Variants in ARHGAP26 observed in about 807,000 individuals in gnomAD.
ARHGAP26 encodes Rho GTPase activating protein 26, also known as rho GTPase-activating protein 26.
Under a neutral mutation model 104.8 loss-of-function variants are expected in ARHGAP26, and 38 were observed. The observed-to-expected ratio is 0.36, with a 90% CI of 0.28 to 0.48. The LOEUF (loss-of-function observed/expected upper bound fraction) is 0.48, where lower values mean the gene tolerates loss of function less well. Among genes scored for constraint, ARHGAP26 ranks in the 20% least tolerant of loss-of-function variants. The pLI, the probability that ARHGAP26 is intolerant of heterozygous loss-of-function variation, is 0.99. For missense variants in ARHGAP26, 704 were observed against 947.9 expected (o/e 0.74, Z 3.38); for synonymous variants, 341 against 340.0 (o/e 1.00, Z -0.03).
intron 11 of ARHGAP26, among the ~76,000 whole-genome samples, chr5:142,961,809 A>G (rs576624347): frequency 2.4e-4 from 36 of 152,362 alleles, no homozygotes; most frequent in Middle Eastern, 3.4e-3. Flanking sequence ...ATAAATGATC[A>G]TCTTTTAATG....
intron 20 of ARHGAP26, among the ~76,000 whole-genome samples, chr5:143,162,319 C>A (rs1444163610): frequency 7.9e-6 from 1 of 127,082 alleles, no homozygotes; most frequent in African/African-American, 3.0e-5. Flanking sequence ...ACACGCAATC[C>A]CCTTTCCCAT....
At position 143,037,222 on chromosome 5, in the gene ARHGAP26, A is replaced by G; in HGVS notation, c.1171A>G (p.Ser391Gly). The G allele has an allele frequency of 6.2e-7, 1 of 1,605,054 alleles. No homozygotes were observed. The highest frequency in any genetic ancestry group is 1.1e-5 in the South Asian group (1 of 90,300). Reference protein sequence around the residue: ...GTAQLDSIGFSIIRKCIHAVE... With the variant: ...GTAQLDSIGFGIIRKCIHAVE... ...TGCGCAGTTGGACAGCATTGGCTTC[A>G]GCATAATCAGGAAATGCATCCATGC... The change falls in exon 13 of 23, where the codon AGC becomes GGC. Residue 391 changes from serine (S) to glycine (G), a missense_variant. Physicochemically the swap from Ser to Gly is moderately conservative, Grantham distance 56. Transcript: ENST00000645722.
chr5:142,804,812 A>G (rs901472954), intron 1 of ARHGAP26, among the ~76,000 whole-genome samples: 1 of 151,788 alleles, frequency 6.6e-6, no homozygotes, highest in African/African-American at 2.4e-5. Flanking sequence ...TTTTTTTTTA[A>G]ACTTTTTATT....
intron 11 of ARHGAP26, among the ~76,000 whole-genome samples, chr5:142,974,603 C>T (rs1772784607): frequency 6.6e-6 from 1 of 152,186 alleles, no homozygotes; most frequent in African/African-American, 2.4e-5. Context: ...GTTCTCATGG[C>T]TCCCATCATG....
At chr5:142,992,936 A>G (rs1420802884) in intron 11 of ARHGAP26, among the ~76,000 whole-genome samples, 3 of 151,960 alleles carry the variant, frequency 2.0e-5, no homozygotes, top group African/African-American at 7.3e-5. Context: ...ATGGCAATTT[A>G]CTCTTTCCAT....
At chr5:142,798,379 A>G (rs1178651366) in intron 1 of ARHGAP26, among the ~76,000 whole-genome samples, 3 of 151,978 alleles carry the variant, frequency 2.0e-5, no homozygotes, top group Admixed American at 1.3e-4. Context: ...TCCTCCTTTT[A>G]TGTCTCAGCT....
At chr5:143,030,048 A>G (rs1222575587) in intron 12 of ARHGAP26, among the ~76,000 whole-genome samples, 1 of 152,188 alleles carries the variant, frequency 6.6e-6, no homozygotes, top group Admixed American at 6.5e-5. Flanking sequence ...TGTGTCCATC[A>G]GTCAACTTAT....
At chr5:143,022,266 T>C (rs1391341355) in intron 12 of ARHGAP26, among the ~76,000 whole-genome samples, 1 of 151,970 alleles carries the variant, frequency 6.6e-6, no homozygotes, top group East Asian at 1.9e-4. Flanking sequence ...AGAGATGGGG[T>C]TTCACCATGT....
At chr5:143,161,821 A>G (rs2151069514) in intron 20 of ARHGAP26, among the ~76,000 whole-genome samples, 1 of 152,374 alleles carries the variant, frequency 6.6e-6, no homozygotes, top group South Asian at 2.1e-4. Context: ...TGTAGTTACC[A>G]AAGCAGTGAG....
intron 17 of ARHGAP26, among the ~76,000 whole-genome samples, chr5:143,106,559 G>A (rs1248076304): frequency 8.1e-6 from 1 of 124,156 alleles, no homozygotes; most frequent in Admixed American, 1.1e-4. Context: ...GGCAACCTCC[G>A]CCTCCCGGGT....
At chr5:142,912,008 ACTTT>A (rs796631067) in intron 9 of ARHGAP26, among the ~76,000 whole-genome samples, 21 of 152,364 alleles carry the variant, frequency 1.4e-4, no homozygotes, top group African/African-American at 4.6e-4. Flanking sequence ...ATGTAGCCAC[ACTTT>A]CTGTTATTTC....
intron 11 of ARHGAP26, among the ~76,000 whole-genome samples, chr5:142,936,015 A>G (rs1765355800): frequency 6.6e-6 from 1 of 152,008 alleles, no homozygotes; most frequent in East Asian, 1.9e-4. Flanking sequence ...GTAGGGCAAG[A>G]AATTAATATA....
At chr5:142,903,370 A>G (rs946327517) in intron 7 of ARHGAP26, among the ~76,000 whole-genome samples, 170 bp from the exon 8 acceptor site, 7 of 152,220 alleles carry the variant, frequency 4.6e-5, no homozygotes, top group Non-Finnish European at 8.8e-5. Flanking sequence ...TCATTCTGGT[A>G]TAGGACTTTA....
Position 142,856,975 on chromosome 5 carries a change from C to T in ARHGAP26, c.155-16425C>T, listed in dbSNP as rs538091867. On this transcript the variant is annotated intron_variant, in intron 1 of 22. Coordinates refer to ENST00000645722, the MANE Select transcript of ARHGAP26 (RefSeq NM_001135608.3). The stretch of plus-strand genomic sequence containing the variant: ...GGCCAGAAATCTGAAATCAGAGTGT[C>T]AACAGGGCCATATTCTTTTGGAAGG... 2.0e-5 allele frequency among the ~76,000 whole-genome samples: 3 copies of T among 152,242 alleles called. No homozygotes were observed. The East Asian group carries it at 5.8e-4, about 29-fold the overall frequency.
In ARHGAP26 at chr5:143,147,238, A is replaced by G. The variant is rs1171415162; in HGVS notation, c.1845A>G (p.Gln615=). Residue 615 remains glutamine (Q), a synonymous_variant, in exon 20 of 23, where the codon CAA becomes CAG. Coordinates refer to ENST00000645722, the MANE Select transcript of ARHGAP26 (RefSeq NM_001135608.3). ...HTVQSTEKQE[Q]RNSIINSSLE... Reference sequence around the variant, plus strand: ...GTGGCTTTTCCCCCCCAGAGGAACAAAGGAACAGCATCATCAACTCCAGTT... The same window carrying G: ...GTGGCTTTTCCCCCCCAGAGGAACAGAGGAACAGCATCATCAACTCCAGTT... 4 of 1,613,966 alleles carry G rather than the reference A, an allele frequency of 2.5e-6. No homozygotes were observed. Among genetic ancestry groups the G allele is most frequent in the South Asian group, 2.2e-5 (2 of 91,062 alleles).
At chr5:143,134,439 C>T (rs1797700218) in intron 19 of ARHGAP26, among the ~76,000 whole-genome samples, 1 of 152,092 alleles carries the variant, frequency 6.6e-6, no homozygotes, top group South Asian at 2.1e-4. Context: ...TTAGCAATTC[C>T]CATAGATCCA....
intron 19 of ARHGAP26, among the ~76,000 whole-genome samples, chr5:143,134,962 A>C (rs1310392353): frequency 6.6e-6 from 1 of 152,258 alleles, no homozygotes; most frequent in African/African-American, 2.4e-5. Flanking sequence ...ATAACCAAGG[A>C]TGGTTCATTC....
chr5:143,095,355 C>G (rs1435689023), intron 17 of ARHGAP26, among the ~76,000 whole-genome samples: 1 of 152,066 alleles, frequency 6.6e-6, no homozygotes, highest in Non-Finnish European at 1.5e-5. Flanking sequence ...GTTCAAGATA[C>G]TATATTCTTA....
At chr5:143,046,944 T>TTAGTA (rs774428593) in intron 14 of ARHGAP26, among the ~76,000 whole-genome samples, 6 of 152,234 alleles carry the variant, frequency 3.9e-5, no homozygotes, top group Non-Finnish European at 4.4e-5. Context: ...CCTGTTAAAT[T>TTAGTA]TAGTATAGTA....
Sources: allele counts gnomAD v4.1 joint callset (sites outside exome capture counted in the v4.1 genomes callset), GRCh38; gene constraint gnomAD v4.1.1; transcripts MANE v1.5; gene names NCBI Gene and HGNC (gene_info 2026-07-23, HGNC 2026-07-21).